The following PCSK1 variants were observed in gnomAD, a reference collection of about 807,000 sequenced individuals.
PCSK1 encodes neuroendocrine convertase 1.
PCSK1 carries 56 observed loss-of-function variants against 90.6 expected under a neutral mutation model. That is an observed-to-expected ratio of 0.62 (90% CI 0.50 to 0.77). The LOEUF (loss-of-function observed/expected upper bound fraction) is 0.77. PCSK1 is among the 30% of genes least tolerant of loss of function. The pLI is 0.00. For missense variants in PCSK1, 801 were observed against 932.6 expected (o/e 0.86, Z 1.84); for synonymous variants, 348 against 342.4 (o/e 1.02, Z -0.18).
intron 1 of PCSK1, among the ~76,000 whole-genome samples, chr5:96,430,055 T>G (rs1431640836): frequency 6.6e-6 from 1 of 152,236 alleles, no homozygotes; most frequent in African/African-American, 2.4e-5. Flanking sequence ...TGTTATAAAA[T>G]GTAGCCATTG....
Position 96,412,750 on chromosome 5 carries a change from A to ATTTTTTTTTTTTT in PCSK1, c.710-261_710-260insAAAAAAAAAAAAA, listed in dbSNP as rs1451878228. 5.0e-4 allele frequency among the ~76,000 whole-genome samples: 32 copies of ATTTTTTTTTTTTT among 63,396 alleles called. 1 individual carries two copies. The highest frequency in any genetic ancestry group is 2.4e-3 in the African/African-American group (30 of 12,590). 41.6% of individuals were successfully genotyped at this position (63,396 alleles called of 152,430 possible). ...ACCATGCACTGTGTAGGCAGCTGTG[A>ATTTTTTTTTTTTT]TGTTTTTTTTTTTTTTTTTTTTTTT... On this transcript the variant is annotated intron_variant, in intron 6 of 13. Transcript: ENST00000311106.
chr5:96,416,879 AG>A (rs1760953487), intron 5 of PCSK1, among the ~76,000 whole-genome samples: 1 of 152,230 alleles, frequency 6.6e-6, no homozygotes, highest in Non-Finnish European at 1.5e-5. Flanking sequence ...CCACCACTAA[AG>A]CATCTATTCT....
At chr5:96,412,897 TC>T in intron 6 of PCSK1, 2 of 141,912 alleles carry the variant, frequency 1.4e-5, no homozygotes, top group Non-Finnish European at 2.5e-5. Context: ...TTGCCCTCCC[TC>T]CCACCCCAAC....
At chr5:96,401,783 G>A (rs1200194548) in intron 9 of PCSK1, among the ~76,000 whole-genome samples, 1 of 152,134 alleles carries the variant, frequency 6.6e-6, no homozygotes, top group Non-Finnish European at 1.5e-5. Flanking sequence ...CATGAGAAGT[G>A]GTGAGATCTT....
At chr5:96,418,890 C>T (rs964280534) in intron 5 of PCSK1, among the ~76,000 whole-genome samples, 1 of 152,096 alleles carries the variant, frequency 6.6e-6, no homozygotes, top group African/African-American at 2.4e-5. Flanking sequence ...CTGCTCCCAT[C>T]GGATGATATT....
intron 6 of PCSK1, chr5:96,413,017 C>T (rs1416594959): frequency 5.3e-6 from 5 of 942,212 alleles, no homozygotes; most frequent in Non-Finnish European, 6.3e-6. Context: ...CACACAAGGA[C>T]TCTGGACAGG....
chr5:96,414,924 C>T lies in PCSK1; in HGVS notation c.709+1109G>A, dbSNP rs551589300. Reference sequence around the variant, plus strand: ...TTCATGAAAGATGCATTACATGTCACGATGTATATTTATTTGGTTTCTAAA... The same window carrying T: ...TTCATGAAAGATGCATTACATGTCATGATGTATATTTATTTGGTTTCTAAA... On this transcript the variant is annotated intron_variant, in intron 6 of 13. Transcript: ENST00000311106. Among the ~76,000 whole-genome samples, 18 of 152,100 alleles carry T rather than the reference C, an allele frequency of 1.2e-4. No homozygotes were observed. The South Asian group carries it at 1.7e-3, about 14-fold the overall frequency.
At chr5:96,401,968 G>C (rs1449475465) in intron 9 of PCSK1, among the ~76,000 whole-genome samples, 1 of 152,074 alleles carries the variant, frequency 6.6e-6, no homozygotes, top group Non-Finnish European at 1.5e-5. Flanking sequence ...ACTTTTCCTC[G>C]ACTTTGAGAC....
chr5:96,417,449 C>A (rs1469006219), intron 5 of PCSK1, among the ~76,000 whole-genome samples: 1 of 151,908 alleles, frequency 6.6e-6, no homozygotes, highest in African/African-American at 2.4e-5. Flanking sequence ...TCATGGGGCC[C>A]CTCCTCTCAG....
rs537622170 is a variant in PCSK1 at position 96,425,727 on chromosome 5, A to T, written c.396+93T>A. 5,516 of 659,052 alleles carry T rather than the reference A, an allele frequency of 8.4e-3. 219 individuals are homozygous for T. The African/African-American group carries it at 0.15, about 18-fold the overall frequency. 40.8% of individuals were successfully genotyped at this position (659,052 alleles called of 1,614,324 possible). On this transcript the variant is annotated intron_variant, in intron 3 of 13. Transcript: ENST00000311106. ...ATAGCTCCCTATGAAATTCTCCATC[A>T]TAAAAAAAAAAAAAAATCCATGTTG...
intron 1 of PCSK1, chr5:96,432,233 A>G: frequency 5.1e-6 from 5 of 989,132 alleles, no homozygotes; most frequent in Non-Finnish European, 7.5e-6. Flanking sequence ...TCGCGGGGAT[A>G]GATGGTCCCG....
intron 1 of PCSK1, among the ~76,000 whole-genome samples, chr5:96,431,084 T>C (rs1761476275): frequency 6.6e-6 from 1 of 152,284 alleles, no homozygotes; most frequent in East Asian, 1.9e-4. Flanking sequence ...GCTCAAGGAA[T>C]ACACAATTAA....
chr5:96,416,177 G>T (rs1760932732), intron 5 of PCSK1, 56 bp from the exon 6 acceptor site: 1 of 1,189,302 alleles, frequency 8.4e-7, no homozygotes, highest in Non-Finnish European at 1.3e-6. Flanking sequence ...CATTTGTTTT[G>T]CATATGAATG....
At chr5:96,404,463 G>A (rs1455763670) in intron 9 of PCSK1, among the ~76,000 whole-genome samples, 1 of 152,168 alleles carries the variant, frequency 6.6e-6, no homozygotes, top group Non-Finnish European at 1.5e-5. Flanking sequence ...GTATTTCTTT[G>A]TGCATATTCA....
intron 9 of PCSK1, among the ~76,000 whole-genome samples, chr5:96,406,992 GA>G (rs1027614749): frequency 9.3e-4 from 140 of 150,672 alleles, no homozygotes; most frequent in African/African-American, 3.2e-3. Flanking sequence ...GTAATTATGA[GA>G]AAAAAAAAGT....
intron 9 of PCSK1, among the ~76,000 whole-genome samples, chr5:96,402,166 G>A (rs1760398684): frequency 6.6e-6 from 1 of 152,186 alleles, no homozygotes; most frequent in Non-Finnish European, 1.5e-5. Context: ...GAAAGAGGCA[G>A]TGGACATTCC....
intron 9 of PCSK1, among the ~76,000 whole-genome samples, chr5:96,406,888 A>G (rs1580752222): frequency 6.6e-6 from 1 of 152,374 alleles, no homozygotes; most frequent in South Asian, 2.1e-4. Flanking sequence ...GTCACCACAC[A>G]TCAGAAAGCA....
At chr5:96,398,755 T>A in intron 11 of PCSK1, 124 bp downstream of exon 11, 1 of 843,906 alleles carries the variant, frequency 1.2e-6, no homozygotes, top group South Asian at 1.4e-5. Context: ...AATAAGCATG[T>A]TTTTTAAGAC....
Position 96,433,121 on chromosome 5 carries a change from C to A in PCSK1, c.-79G>T, listed in dbSNP as rs1323369334. ...GATAGGAGAAAAGCCAGACAGACTC[C>A]CCCTTCCCACCCTCGGGCTCTAGAC... is the stretch of plus-strand genomic sequence containing the variant. On this transcript the variant is annotated 5_prime_UTR_variant, in exon 1 of 14. Transcript: ENST00000311106. 1.5e-5 allele frequency: 20 copies of A among 1,324,594 alleles called. No individual in the cohort carries two copies. The East Asian group carries it at 3.9e-4, about 26-fold the overall frequency. 82.1% of individuals were successfully genotyped at this position (1,324,594 alleles called of 1,614,324 possible). A position where few individuals can be genotyped will look rare whatever the true frequency, so the allele number is the denominator to read the frequency against.
Sources: allele counts gnomAD v4.1 joint callset (sites outside exome capture counted in the v4.1 genomes callset), GRCh38; gene constraint gnomAD v4.1.1; transcripts MANE v1.5; gene names NCBI Gene and HGNC (gene_info 2026-07-23, HGNC 2026-07-21).